Variants in DOCK1 observed in about 807,000 individuals in gnomAD.
The protein encoded by DOCK1 is dedicator of cytokinesis 1, also known as dedicator of cytokinesis protein 1.
DOCK1 carries 138 observed loss-of-function variants against 262.7 expected under a neutral mutation model. That is an observed-to-expected ratio of 0.53 (90% CI 0.46 to 0.61). The LOEUF (loss-of-function observed/expected upper bound fraction) is 0.61. Among genes scored for constraint, DOCK1 ranks in the 20% least tolerant of loss-of-function variants. The probability of loss-of-function intolerance (pLI) is 0.00; values close to 1 mark genes in which losing one functional copy is unlikely to be tolerated. For missense variants in DOCK1, 1,908 were observed against 2,370.7 expected (o/e 0.80, Z 4.05); for synonymous variants, 866 against 867.4 (o/e 1.00, Z 0.03).
intron 33 of DOCK1, among the ~76,000 whole-genome samples, chr10:127,366,653 G>A (rs1176070333): frequency 2.7e-5 from 4 of 146,274 alleles, no homozygotes; most frequent in South Asian, 4.3e-4. Context: ...TAAAGCACAA[G>A]GGATGGCCCC....
At chr10:127,216,928 A>G (rs1240418057) in intron 27 of DOCK1, among the ~76,000 whole-genome samples, 1 of 152,152 alleles carries the variant, frequency 6.6e-6, no homozygotes, top group African/African-American at 2.4e-5. Flanking sequence ...GGGGCCTGTC[A>G]CAACTGGCAT....
Position 127,012,354 on chromosome 10 carries a change from A to G in DOCK1, c.1181A>G (p.Glu394Gly). Reference protein sequence around the residue: ...TVINKVIAAKEVNHKGQGLWV... With the variant: ...TVINKVIAAKGVNHKGQGLWV... ...ATAAACAAAGTCATCGCTGCCAAAG[A>G]AGTCAACCACAAGGGGCAGGGTACG... Residue 394 changes from glutamate (E) to glycine (G), a missense_variant, in exon 12 of 52, where the codon GAA (glutamate) becomes GGA (glycine). This residue lies in a region of DOCK1 where 294 missense variants were observed against 439.9 expected (regional missense o/e 0.67). Coordinates refer to ENST00000623213, the MANE Select transcript of DOCK1 (RefSeq NM_001290223.2). The surrounding 1 kb of genome is among the most constrained non-coding windows in gnomAD (Gnocchi z 4.0). 1 of 1,614,004 alleles carries G rather than the reference A, an allele frequency of 6.2e-7. No individual in the cohort carries two copies. The highest frequency in any genetic ancestry group is 8.5e-7 in the Non-Finnish European group (1 of 1,179,882).
intron 27 of DOCK1, among the ~76,000 whole-genome samples, chr10:127,191,287 G>C (rs2056740043): frequency 6.6e-6 from 1 of 152,056 alleles, no homozygotes; most frequent in Non-Finnish European, 1.5e-5. Context: ...TCCTGGACTT[G>C]AGCTTCTTGG....
chr10:127,152,472 C>G (rs911439144), intron 27 of DOCK1, among the ~76,000 whole-genome samples: 1 of 152,174 alleles, frequency 6.6e-6, no homozygotes, highest in Non-Finnish European at 1.5e-5. Flanking sequence ...TGCAGGGGCC[C>G]CTCCTCCCTT....
chr10:127,449,205 A>G (rs2070794344), intron 51 of DOCK1, among the ~76,000 whole-genome samples: 1 of 152,158 alleles, frequency 6.6e-6, no homozygotes, highest in South Asian at 2.1e-4. Flanking sequence ...ATTTCTAACT[A>G]CTTGTGAGAG....
chr10:127,313,716 G>A (rs2062152361), intron 29 of DOCK1, among the ~76,000 whole-genome samples: 1 of 151,724 alleles, frequency 6.6e-6, no homozygotes, highest in African/African-American at 2.4e-5. Flanking sequence ...TTTTCCCCCC[G>A]CCTCCCTGGT....
intron 23 of DOCK1, among the ~76,000 whole-genome samples, chr10:127,091,258 C>T (rs1026836794): frequency 6.6e-6 from 1 of 152,200 alleles, no homozygotes. Context: ...GCTGGGATTA[C>T]AGGCGTGAGC....
chr10:127,370,411 C>T (rs559653323), intron 33 of DOCK1, among the ~76,000 whole-genome samples: 8 of 152,220 alleles, frequency 5.3e-5, no homozygotes, highest in East Asian at 1.9e-4. Flanking sequence ...CCTCCTGCTG[C>T]GCTCCCACAG....
chr10:126,943,236 G>C (rs968955774), intron 1 of DOCK1, among the ~76,000 whole-genome samples: 16 of 152,352 alleles, frequency 1.1e-4, no homozygotes, highest in African/African-American at 3.8e-4. Flanking sequence ...CTGGGTGACA[G>C]AGAGAGACTC....
At chr10:127,197,098 C>G (rs867170458) in intron 27 of DOCK1, among the ~76,000 whole-genome samples, 1 of 152,162 alleles carries the variant, frequency 6.6e-6, no homozygotes, top group African/African-American at 2.4e-5. Context: ...TGGCTCCAAC[C>G]TGGTGTCAGC....
chr10:127,210,315 C>G (rs563983404), intron 27 of DOCK1, among the ~76,000 whole-genome samples: 1 of 152,144 alleles, frequency 6.6e-6, no homozygotes, highest in Non-Finnish European at 1.5e-5. Context: ...CTGCTTGTCT[C>G]GGCAAATGAC....
At chr10:127,247,895 A>C in intron 27 of DOCK1, 113 bp from the exon 28 acceptor site, 1 of 978,394 alleles carries the variant, frequency 1.0e-6, no homozygotes. Flanking sequence ...CTCCCTGCCC[A>C]TGCCCCGTTG....
At chr10:127,139,478 C>T (rs1462885868) in intron 27 of DOCK1, among the ~76,000 whole-genome samples, 2 of 151,822 alleles carry the variant, frequency 1.3e-5, no homozygotes, top group East Asian at 3.9e-4. Context: ...TTTCGAAGAG[C>T]CTCTTTGAGT....
chr10:127,154,898 G>A (rs11591276), intron 27 of DOCK1, among the ~76,000 whole-genome samples: 4 of 152,184 alleles, frequency 2.6e-5, no homozygotes, highest in Admixed American at 1.3e-4. Flanking sequence ...GTCCAGCCAC[G>A]TAGGAACAGC....
At chr10:127,032,816 C>T (rs1158762379) in intron 18 of DOCK1, among the ~76,000 whole-genome samples, 1 of 152,228 alleles carries the variant, frequency 6.6e-6, no homozygotes, top group South Asian at 2.1e-4. Flanking sequence ...CTCGGTCTCC[C>T]AGAGTGCTGG....
intron 29 of DOCK1, among the ~76,000 whole-genome samples, chr10:127,276,837 A>G (rs1159601676): frequency 6.6e-6 from 1 of 152,234 alleles, no homozygotes; most frequent in Non-Finnish European, 1.5e-5. Context: ...TAGAAATCAC[A>G]TGGTAAACGT....
At chr10:127,077,054 G>A (rs2046605678) in intron 23 of DOCK1, among the ~76,000 whole-genome samples, 1 of 152,082 alleles carries the variant, frequency 6.6e-6, no homozygotes. Flanking sequence ...AAAATGTCAG[G>A]GTAACTTAAA....
At chr10:127,273,752 A>G (rs1279898063) in intron 29 of DOCK1, among the ~76,000 whole-genome samples, 5 of 152,010 alleles carry the variant, frequency 3.3e-5, no homozygotes. Context: ...GTGCGATGGC[A>G]GGCACCTGTA....
chr10:127,390,562 G>A (rs910292852), intron 38 of DOCK1, among the ~76,000 whole-genome samples: 4 of 152,118 alleles, frequency 2.6e-5, no homozygotes, highest in Non-Finnish European at 5.9e-5. Context: ...GACACACACA[G>A]GGAAGACCAT....
Sources: gnomAD v4.1 joint callset for allele counts (sites outside exome capture counted in the v4.1 genomes callset) on GRCh38, gnomAD v4.1.1 for gene constraint, gnomAD v4.1.1 regional missense constraint, Gnocchi (gnomAD v3.1) non-coding constraint, MANE v1.5 for transcripts, NCBI Gene and HGNC (gene_info 2026-07-23, HGNC 2026-07-21) for gene names.